The following ETNK1 variants were observed in gnomAD, a reference collection of about 807,000 sequenced individuals.
The protein encoded by ETNK1 is ethanolamine kinase 1.
Under a neutral mutation model 45.1 loss-of-function variants are expected in ETNK1, and 8 were observed. The ratio of observed to expected loss-of-function variants is 0.18; its 90% CI spans 0.10 to 0.32. The LOEUF (loss-of-function observed/expected upper bound fraction) is 0.32. Ranked by LOEUF, ETNK1 falls within the 10% of genes least tolerant of loss-of-function variation. ETNK1 has a pLI of 1.00. For missense variants in ETNK1, 302 were observed against 430.6 expected (o/e 0.70, Z 2.64); for synonymous variants, 152 against 151.9 (o/e 1.00, Z -0.01).
At chr12:22,646,114 T>C (rs997043787) in intron 2 of ETNK1, among the ~76,000 whole-genome samples, 1 of 151,848 alleles carries the variant, frequency 6.6e-6, no homozygotes, top group Non-Finnish European at 1.5e-5. Context: ...TTAGTTGGCA[T>C]TATGAATAGT....
At chr12:22,658,944 A>T in intron 2 of ETNK1, 70 bp from the exon 3 acceptor site, 1 of 1,490,886 alleles carries the variant, frequency 6.7e-7, no homozygotes, top group Non-Finnish European at 9.1e-7. Flanking sequence ...TTTCATCAAG[A>T]ATCTTTGTCA....
chr12:22,656,281 A>G (rs551808224), intron 2 of ETNK1, among the ~76,000 whole-genome samples: 2 of 152,312 alleles, frequency 1.3e-5, no homozygotes. Flanking sequence ...TGGAATGACC[A>G]TATTGCAGCA....
chr12:22,644,488 G>A, intron 2 of ETNK1: 1 of 701,578 alleles, frequency 1.4e-6, no homozygotes, highest in Non-Finnish European at 1.9e-6. Flanking sequence ...TGTCATATAT[G>A]CTTGATCATT....
At chr12:22,638,669 G>A (rs1953687764) in intron 1 of ETNK1, 1 of 152,034 alleles carries the variant, frequency 6.6e-6, no homozygotes. Flanking sequence ...TCTCATTGAT[G>A]CTTTTATGTT....
intron 1 of ETNK1, among the ~76,000 whole-genome samples, chr12:22,631,055 C>T (rs1350107842): frequency 1.3e-5 from 2 of 152,050 alleles, no homozygotes; most frequent in African/African-American, 2.4e-5. Flanking sequence ...GGTTACCATA[C>T]ATTAATAGGA....
intron 1 of ETNK1, among the ~76,000 whole-genome samples, chr12:22,637,066 G>A (rs1224835610): frequency 3.3e-5 from 5 of 152,054 alleles, no homozygotes; most frequent in Non-Finnish European, 4.4e-5. Flanking sequence ...CTGTCTTTCC[G>A]CTTTAATACT....
At chr12:22,633,607 A>G (rs1953612207) in intron 1 of ETNK1, among the ~76,000 whole-genome samples, 1 of 152,206 alleles carries the variant, frequency 6.6e-6, no homozygotes, top group South Asian at 2.1e-4. Context: ...GATTTTGATT[A>G]TATTTTGTGG....
intron 1 of ETNK1, among the ~76,000 whole-genome samples, chr12:22,637,022 A>G (rs1289470227): frequency 4.6e-5 from 7 of 152,206 alleles, no homozygotes; most frequent in African/African-American, 1.7e-4. Context: ...GACCATTTGC[A>G]GATCCTCTAG....
chr12:22,673,768 G>C, intron 6 of ETNK1, 108 bp downstream of exon 6: 1 of 1,131,832 alleles, frequency 8.8e-7, no homozygotes, highest in Non-Finnish European at 1.2e-6. Context: ...GTGAATTTTT[G>C]TTCAAAATAA....
chr12:22,657,637 G>T (rs370020743), intron 2 of ETNK1, among the ~76,000 whole-genome samples: 2 of 151,966 alleles, frequency 1.3e-5, no homozygotes, highest in Non-Finnish European at 2.9e-5. Context: ...AAAGTTGATA[G>T]CTTCAATAAA....
intron 4 of ETNK1, among the ~76,000 whole-genome samples, chr12:22,664,555 C>T (rs1954035928): frequency 6.6e-6 from 1 of 152,026 alleles, no homozygotes; most frequent in African/African-American, 2.4e-5. Flanking sequence ...GTAGACATCA[C>T]AGGAAGAAAT....
rs989331377 is a variant in ETNK1, at chr12:22,689,343, C to A, written c.*4389C>A. On this transcript the variant is annotated 3_prime_UTR_variant, in exon 8 of 8. Transcript: ENST00000266517. ...TTTTCTTTCTCTTCTATACTTTATG[C>A]ACTTACTATACTACTGATGTAATAA... 1.5e-4 allele frequency: 23 copies of A among 151,896 alleles called. No homozygotes were observed. Among genetic ancestry groups the A allele is most frequent in the African/African-American group, 5.6e-4 (23 of 41,406 alleles). 9.4% of individuals were successfully genotyped at this position (151,896 alleles called of 1,614,324 possible). A position where few individuals can be genotyped will look rare whatever the true frequency, so the allele number is the denominator to read the frequency against.
At chr12:22,639,066 G>C (rs1444453755) in intron 1 of ETNK1, 1 of 152,100 alleles carries the variant, frequency 6.6e-6, no homozygotes, top group African/African-American at 2.4e-5. Context: ...AAACAAACTA[G>C]ATCCATGCGT....
chr12:22,649,731 A>C (rs1026287740), intron 2 of ETNK1, among the ~76,000 whole-genome samples: 22 of 152,216 alleles, frequency 1.4e-4, no homozygotes, highest in African/African-American at 4.8e-4. Context: ...TAGTTTTTAC[A>C]TTTTAAAATG....
At chr12:22,663,164 C>T (rs181612642) in intron 4 of ETNK1, among the ~76,000 whole-genome samples, 4 of 152,208 alleles carry the variant, frequency 2.6e-5, no homozygotes, top group Admixed American at 6.5e-5. Flanking sequence ...TATCATAGTA[C>T]GTATGCACTA....
rs1018369190 is a variant in ETNK1, at chr12:22,649,160, T to C, written c.416+5138T>C. On this transcript the variant is annotated intron_variant, in intron 2 of 7. Transcript: ENST00000266517. The stretch of plus-strand genomic sequence containing the variant: ...TTTGCAAATATTTTCTTCCAATCTG[T>C]GCTTTATCTTTTTATTCTCTTGACA... 2.0e-5 allele frequency among the ~76,000 whole-genome samples: 3 copies of C among 152,202 alleles called. No individual in the cohort carries two copies. In the East Asian group the frequency reaches 5.8e-4, roughly 29 times the overall value.
Position 22,643,784 on chromosome 12 carries a change from A to G in ETNK1, c.178A>G (p.Asn60Asp). 6.2e-7 allele frequency: 1 copy of G among 1,612,008 alleles called. No individual in the cohort carries two copies. Among genetic ancestry groups the G allele is most frequent in the Non-Finnish European group, 8.5e-7 (1 of 1,178,704 alleles). ...GCAGCTCTTCACAGATGGAATCACAAATAAACTTATTGGCTGTTACGTGGG... is the reference window on the plus strand; with the variant it reads ...GCAGCTCTTCACAGATGGAATCACAGATAAACTTATTGGCTGTTACGTGGG... ...TLQLFTDGIT[N>D]KLIGCYVGNT... Residue 60 changes from asparagine (N) to aspartate (D), a missense_variant, in exon 2 of 8, where the codon AAT (asparagine) becomes GAT (aspartate). Coordinates refer to ENST00000266517, the MANE Select transcript of ETNK1 (RefSeq NM_018638.5).
intron 1 of ETNK1, among the ~76,000 whole-genome samples, chr12:22,640,061 A>G (rs528701812): frequency 2.0e-5 from 3 of 152,334 alleles, no homozygotes; most frequent in Admixed American, 1.3e-4. Context: ...ATATTAAGCA[A>G]TTAAAAAGTA....
At chr12:22,654,053 A>G (rs1432749762) in intron 2 of ETNK1, among the ~76,000 whole-genome samples, 14 of 152,286 alleles carry the variant, frequency 9.2e-5, no homozygotes, top group Non-Finnish European at 1.3e-4. Flanking sequence ...CCCTTTGGCA[A>G]TATTAGTCAT....
Sources: gnomAD v4.1 joint callset for allele counts (sites outside exome capture counted in the v4.1 genomes callset) on GRCh38, gnomAD v4.1.1 for gene constraint, MANE v1.5 for transcripts, NCBI Gene and HGNC (gene_info 2026-07-23, HGNC 2026-07-21) for gene names.